FBXL2: variants seen among roughly 807,000 people sequenced by gnomAD.
FBXL2 encodes the protein F-box/LRR-repeat protein 2.
Under a neutral mutation model 69.2 loss-of-function variants are expected in FBXL2, and 38 were observed. That is an observed-to-expected ratio of 0.55 (90% CI 0.42 to 0.72). FBXL2 has a LOEUF of 0.72. FBXL2 is among the 30% of genes least tolerant of loss of function. The pLI is 0.00. For synonymous variants in FBXL2, 192 were observed against 201.3 expected (o/e 0.95, Z 0.39); for missense variants, 354 against 520.3 (o/e 0.68, Z 3.11).
At chr3:33,398,810 G>A (rs762574005) in intron 12 of FBXL2, among the ~76,000 whole-genome samples, 1 of 152,144 alleles carries the variant, frequency 6.6e-6, no homozygotes, top group Non-Finnish European at 1.5e-5. Context: ...CTTTTTCTAT[G>A]TGCTATGCTT....
intron 2 of FBXL2, among the ~76,000 whole-genome samples, chr3:33,326,495 G>A (rs2038703983): frequency 6.9e-6 from 1 of 145,022 alleles, no homozygotes; most frequent in Non-Finnish European, 1.5e-5. Flanking sequence ...CACAGAGCGA[G>A]ACTCCGTCTC....
chr3:33,409,326 T>C, the FBXL2 span: 1 of 1,614,218 alleles, frequency 6.2e-7, no homozygotes, highest in Non-Finnish European at 8.5e-7. Context: ...CAGTTTTTTG[T>C]TTCCTGTCTG....
chr3:33,297,022 G>A (rs2035810469), intron 1 of FBXL2, among the ~76,000 whole-genome samples: 1 of 152,122 alleles, frequency 6.6e-6, no homozygotes, highest in South Asian at 2.1e-4. Context: ...TTCAGTTCAT[G>A]AACATGGATG....
intron 14 of FBXL2, among the ~76,000 whole-genome samples, chr3:33,384,910 C>A (rs1237580986): frequency 6.6e-6 from 1 of 152,104 alleles, no homozygotes; most frequent in Non-Finnish European, 1.5e-5. Flanking sequence ...TGCCTGTAAT[C>A]CCAGCTAATT....
chr3:33,397,204 T>C, intron 12 of FBXL2: 5 of 1,203,640 alleles, frequency 4.2e-6, no homozygotes, highest in Non-Finnish European at 5.9e-6. Context: ...CAGGCATCTG[T>C]CTTCATGCAG....
At chr3:33,408,814 G>A in the FBXL2 span, 2 of 1,599,152 alleles carry the variant, frequency 1.3e-6, no homozygotes, top group Non-Finnish European at 1.7e-6. Flanking sequence ...AAACACCAAA[G>A]ATTGGGATCA....
At chr3:33,404,846 G>A (rs1293180712), downstream of FBXL2, among the ~76,000 whole-genome samples, 3 of 152,102 alleles carry the variant, frequency 2.0e-5, no homozygotes, top group African/African-American at 7.2e-5. Flanking sequence ...TCCAGGACCT[G>A]AATGACACTA....
rs532215038 is a variant in FBXL2, at chr3:33,372,782, A to G, written c.291-310A>G. The G allele has an allele frequency of 2.3e-5, 11 of 481,708 alleles. No individual in the cohort carries two copies. The East Asian group carries it at 3.8e-4, about 17-fold the overall frequency. The allele number at this position is 481,708 out of a possible 1,614,324, so 29.8% of individuals were successfully genotyped here. A position where few individuals can be genotyped will look rare whatever the true frequency, so the allele number is the denominator to read the frequency against. ...AGGGAGCTAGGCCTCTATTCTCATG[A>G]TTCGGTGATGACTCACCAAGCTGTG... On this transcript the variant is annotated intron_variant, in intron 5 of 14. Coordinates refer to ENST00000484457, the MANE Select transcript of FBXL2 (RefSeq NM_012157.5).
intron 10 of FBXL2, among the ~76,000 whole-genome samples, chr3:33,376,928 G>A (rs2042678159): frequency 6.6e-6 from 1 of 152,176 alleles, no homozygotes; most frequent in Non-Finnish European, 1.5e-5. Flanking sequence ...TTGAACCTGG[G>A]AGGCGGAGGC....
At chr3:33,347,009 T>G (rs997319036) in intron 2 of FBXL2, among the ~76,000 whole-genome samples, 2 of 152,212 alleles carry the variant, frequency 1.3e-5, no homozygotes, top group African/African-American at 4.8e-5. Context: ...GTAGAATTTA[T>G]TATTGACTAT....
the FBXL2 span, among the ~76,000 whole-genome samples, chr3:33,417,038 T>C: frequency 3.8e-4 from 58 of 152,200 alleles, no homozygotes; most frequent in South Asian, 0.012. Flanking sequence ...GAGACAAGAG[T>C]TTCTCTGTCA....
chr3:33,330,549 C>T (rs1270104336), intron 2 of FBXL2, among the ~76,000 whole-genome samples: 1 of 152,026 alleles, frequency 6.6e-6, no homozygotes, highest in Non-Finnish European at 1.5e-5. Flanking sequence ...AGATGAATAT[C>T]CCAAGTACCC....
chr3:33,416,878 C>G, the FBXL2 span: 2 of 1,467,326 alleles, frequency 1.4e-6, no homozygotes, highest in Admixed American at 3.4e-5. Context: ...TTATAAAGAA[C>G]ATCACTTTGC....
At chr3:33,282,654 C>T (rs1414446075) in intron 1 of FBXL2, among the ~76,000 whole-genome samples, 7 of 152,196 alleles carry the variant, frequency 4.6e-5, no homozygotes, top group Non-Finnish European at 7.4e-5. Flanking sequence ...GCCATTTTCA[C>T]GATATTGATT....
rs2042401978 is a variant in FBXL2, at chr3:33,373,142, G to A, written c.341G>A (p.Cys114Tyr). 6.2e-7 allele frequency: 1 copy of A among 1,614,032 alleles called. No homozygotes were observed. The highest frequency in any genetic ancestry group is 8.5e-7 in the Non-Finnish European group (1 of 1,179,972). The change falls in exon 6 of 15, where the codon TGC becomes TAC. Residue 114 changes from cysteine (C) to tyrosine (Y), a missense_variant. By Grantham distance (194) the Cys-to-Tyr change is radical. Transcript: ENST00000484457. Reference protein sequence around the residue: ...RNIEHLNLNGCTKITDSTCYS... With the variant: ...RNIEHLNLNGYTKITDSTCYS... ...ATTGAACATTTGAACCTCAATGGAT[G>A]CACAAAAATCACTGACAGGTAAGTA... is the stretch of plus-strand genomic sequence containing the variant.
At chr3:33,357,401 A>G (rs1451790596) in intron 2 of FBXL2, among the ~76,000 whole-genome samples, 1 of 152,178 alleles carries the variant, frequency 6.6e-6, no homozygotes, top group African/African-American at 2.4e-5. Flanking sequence ...GAACACAGCT[A>G]TTAGGGGCAG....
intron 12 of FBXL2, among the ~76,000 whole-genome samples, chr3:33,398,681 G>T (rs1305130309): frequency 6.6e-6 from 1 of 152,178 alleles, no homozygotes; most frequent in East Asian, 1.9e-4. Context: ...AAAGGCAGAA[G>T]GCCACGCCAT....
At chr3:33,397,174 AAAAG>A in intron 12 of FBXL2, 1 of 1,485,518 alleles carries the variant, frequency 6.7e-7, no homozygotes. Context: ...AATAAATGGA[AAAAG>A]AACAGAACTG....
chr3:33,313,620 A>ATT lies in FBXL2; in HGVS notation c.65+15902_65+15903dup, dbSNP rs56719536. On this transcript the variant is annotated intron_variant, in intron 2 of 14. Coordinates refer to ENST00000484457, the MANE Select transcript of FBXL2 (RefSeq NM_012157.5). ...GCCACCATGCTCAGATAATTGTTTTATTTTTTTTGTAGTGGCAGGGTCTTA... is the reference window on the plus strand; with the variant it reads ...GCCACCATGCTCAGATAATTGTTTTATTTTTTTTTTGTAGTGGCAGGGTCTTA... Among the ~76,000 whole-genome samples, 4 of 148,830 alleles carry ATT rather than the reference A, an allele frequency of 2.7e-5. 1 individual carries two copies. Among genetic ancestry groups the ATT allele is most frequent in the African/African-American group, 1.0e-4 (4 of 40,188 alleles).
Sources: allele counts gnomAD v4.1 joint callset (sites outside exome capture counted in the v4.1 genomes callset), GRCh38; gene constraint gnomAD v4.1.1; transcripts MANE v1.5; gene names NCBI Gene and HGNC (gene_info 2026-07-23, HGNC 2026-07-21).